The following ABCG1 variants were observed in gnomAD, a reference collection of about 807,000 sequenced individuals.
ABCG1 encodes ATP-binding cassette sub-family G member 1.
ABCG1 carries 29 observed loss-of-function variants against 69.2 expected under a neutral mutation model. That is an observed-to-expected ratio of 0.42 (90% CI 0.31 to 0.57). ABCG1 has a LOEUF of 0.57. Ranked by LOEUF, ABCG1 falls within the 20% of genes least tolerant of loss-of-function variation. The pLI, the probability that ABCG1 is intolerant of heterozygous loss-of-function variation, is 0.15. For synonymous variants in ABCG1, 370 were observed against 374.8 expected, an observed-to-expected ratio of 0.99 and a Z score of 0.15; for missense variants, 718 against 898.1, an observed-to-expected ratio of 0.80 and a Z score of 2.56.
chr21:42,210,449 T>C (rs1477697472), intron 2 of ABCG1, among the ~76,000 whole-genome samples: 1 of 152,214 alleles, frequency 6.6e-6, no homozygotes, highest in Admixed American at 6.5e-5. Flanking sequence ...TATCTGTCTC[T>C]GAGACTTCTG....
At chr21:42,269,259 C>T (rs550846988) in intron 2 of ABCG1, among the ~76,000 whole-genome samples, 2 of 152,206 alleles carry the variant, frequency 1.3e-5, no homozygotes, top group Admixed American at 6.5e-5. Context: ...CGTGGGTCCC[C>T]GGGGGCCTGG....
chr21:42,208,561 C>T (rs1824010), intron 2 of ABCG1, among the ~76,000 whole-genome samples: 3,949 of 152,254 alleles, frequency 0.026, 164 homozygotes, highest in African/African-American at 0.087. Flanking sequence ...ATAGGTTTGC[C>T]GTCTTCACCC....
At position 42,288,081 on chromosome 21, in the gene ABCG1, A is replaced by G. The variant is rs769229733; in HGVS notation, c.1122+44A>G. 6.2e-7 allele frequency: 1 copy of G among 1,604,266 alleles called. No individual in the cohort carries two copies. Among genetic ancestry groups the G allele is most frequent in the Non-Finnish European group, 8.5e-7 (1 of 1,172,410 alleles). On this transcript the variant is annotated intron_variant, in intron 9 of 14. Coordinates refer to ENST00000398449, the MANE Select transcript of ABCG1 (RefSeq NM_016818.3). The surrounding 1 kb of genome is among the most constrained non-coding windows in gnomAD (Gnocchi z 4.8). ...TTAAAGGGGTTGAGAAAGGTAATGC[A>G]AATCCCGAAGCCCCCTGGGGGAGGC...
Position 42,206,383 on chromosome 21 carries a change from TAAACAAACAAAC to T in ABCG1, c.48+4670_48+4681del, listed in dbSNP as rs149842586. Among the ~76,000 whole-genome samples, 1,189 of 144,388 alleles carry T rather than the reference TAAACAAACAAAC, an allele frequency of 8.2e-3. 21 individuals carry two copies. The highest frequency in any genetic ancestry group is 0.028 in the African/African-American group (1,056 of 37,646). 94.7% of individuals were successfully genotyped at this position (144,388 alleles called of 152,430 possible). A position where few individuals can be genotyped will look rare whatever the true frequency, so the allele number is the denominator to read the frequency against. ...ATAAATAAATAAATAAATAAATAAA[TAAACAAACAAAC>T]AAACAAACACAATCTGTACAATTTC... is the stretch of plus-strand genomic sequence containing the variant. On this transcript the variant is annotated intron_variant, in intron 2 of 15. Coordinates refer to the ABCG1 transcript ENST00000398457.
intron 2 of ABCG1, among the ~76,000 whole-genome samples, chr21:42,253,073 C>T (rs75401836): frequency 0.048 from 7,243 of 152,208 alleles, 209 homozygotes; most frequent in Middle Eastern, 0.061. Flanking sequence ...GTCAGAGCTT[C>T]AGGATGCAGT....
At chr21:42,265,090 G>A (rs562659721) in intron 2 of ABCG1, among the ~76,000 whole-genome samples, 9 of 152,260 alleles carry the variant, frequency 5.9e-5, no homozygotes, top group Non-Finnish European at 8.8e-5. Context: ...CCATCTTTCC[G>A]AGTGCACACA....
upstream of ABCG1, among the ~76,000 whole-genome samples, chr21:42,214,793 C>A (rs1017651269): frequency 6.6e-6 from 1 of 152,226 alleles, no homozygotes; most frequent in African/African-American, 2.4e-5. Context: ...CTCTCTGCAG[C>A]CTTCTCCCCA....
intron 1 of ABCG1, among the ~76,000 whole-genome samples, chr21:42,225,194 T>C (rs1430070031): frequency 6.6e-6 from 1 of 152,182 alleles, no homozygotes; most frequent in African/African-American, 2.4e-5. Context: ...GCAGCTCAGG[T>C]GATGTCATTG....
intron 6 of ABCG1, among the ~76,000 whole-genome samples, chr21:42,282,743 C>A (rs557071768): frequency 6.6e-6 from 1 of 152,220 alleles, no homozygotes; most frequent in East Asian, 1.9e-4. Context: ...GGTCATGGGA[C>A]GACCTGGGAA....
intron 1 of ABCG1, among the ~76,000 whole-genome samples, chr21:42,224,128 G>A (rs2067775450): frequency 6.6e-6 from 1 of 152,220 alleles, no homozygotes. Context: ...TGGCAAGGTG[G>A]GGATGGAAAT....
intron 2 of ABCG1, among the ~76,000 whole-genome samples, chr21:42,230,311 G>C (rs2067882419): frequency 1.3e-5 from 2 of 152,244 alleles, no homozygotes; most frequent in Non-Finnish European, 2.9e-5. Flanking sequence ...TCTCAGGAGA[G>C]AGGAGTACAC....
At chr21:42,289,936 G>T in intron 10 of ABCG1, 114 bp from the exon 11 acceptor site, 5 of 1,138,580 alleles carry the variant, frequency 4.4e-6, no homozygotes, top group Non-Finnish European at 5.1e-6. Flanking sequence ...TAAAGTCTAA[G>T]ACGTGCTGTC....
intron 2 of ABCG1, among the ~76,000 whole-genome samples, chr21:42,241,776 C>T (rs2068054998): frequency 6.6e-6 from 1 of 150,606 alleles, no homozygotes; most frequent in Admixed American, 6.6e-5. Flanking sequence ...TGCTTGAGAG[C>T]AGGAGGTCGA....
At chr21:42,279,609 C>G (rs900913001) in intron 5 of ABCG1, among the ~76,000 whole-genome samples, 1 of 152,198 alleles carries the variant, frequency 6.6e-6, no homozygotes, top group Admixed American at 6.5e-5. Context: ...TCTCTGAGCT[C>G]GATGGAGCCC....
chr21:42,254,419 G>T (rs2068270038), intron 2 of ABCG1, among the ~76,000 whole-genome samples: 1 of 152,178 alleles, frequency 6.6e-6, no homozygotes, highest in South Asian at 2.1e-4. Context: ...GCACACTAGT[G>T]GGCAAATGAT....
At chr21:42,281,548 G>T (rs1372590528) in intron 5 of ABCG1, among the ~76,000 whole-genome samples, 2 of 152,244 alleles carry the variant, frequency 1.3e-5, no homozygotes, top group African/African-American at 4.8e-5. Flanking sequence ...CAGAGCCTGT[G>T]CCGTGGTGTG....
intron 2 of ABCG1, among the ~76,000 whole-genome samples, chr21:42,253,568 C>A (rs186501561): frequency 1.3e-5 from 2 of 152,212 alleles, no homozygotes; most frequent in East Asian, 3.9e-4. Context: ...TCCTAGAGAG[C>A]GAGGGTCTTG....
intron 2 of ABCG1, chr21:42,256,296 A>C (rs1304612788): frequency 6.5e-7 from 1 of 1,527,248 alleles, no homozygotes; most frequent in Non-Finnish European, 8.8e-7. Flanking sequence ...TGGTCTTCCA[A>C]CTTTTGCCCG....
intron 2 of ABCG1, among the ~76,000 whole-genome samples, chr21:42,209,735 C>T (rs2067571577): frequency 6.6e-6 from 1 of 152,206 alleles, no homozygotes. Context: ...TAATAGTGAG[C>T]ACCAGCATTT....
Sources: allele counts gnomAD v4.1 joint callset (sites outside exome capture counted in the v4.1 genomes callset), GRCh38; gene constraint gnomAD v4.1.1; non-coding constraint Gnocchi (gnomAD v3.1); transcripts MANE v1.5; gene names NCBI Gene and HGNC (gene_info 2026-07-23, HGNC 2026-07-21).